The following POC1A variants were observed in gnomAD, a reference collection of about 807,000 sequenced individuals.
The protein encoded by POC1A is POC1 centriolar protein A.
Under a neutral mutation model 47.8 loss-of-function variants are expected in POC1A, and 34 were observed. That is an observed-to-expected ratio of 0.71 (90% CI 0.54 to 0.95). POC1A has a LOEUF of 0.95. Ranked by LOEUF, POC1A falls within the 40% of genes least tolerant of loss-of-function variation. POC1A has a pLI of 0.00. For missense variants in POC1A, 466 were observed against 528.3 expected (o/e 0.88, Z 1.16); for synonymous variants, 177 against 207.6 (o/e 0.85, Z 1.27).
intron 7 of POC1A, among the ~76,000 whole-genome samples, chr3:52,135,944 T>A (rs966262873): frequency 1.2e-4 from 18 of 151,866 alleles, no homozygotes; most frequent in African/African-American, 4.4e-4. Flanking sequence ...CCAGTTGGAG[T>A]GCATGGTTGG....
At chr3:52,115,819 A>G (rs1375714577) in intron 9 of POC1A, among the ~76,000 whole-genome samples, 2 of 152,192 alleles carry the variant, frequency 1.3e-5, no homozygotes, top group Non-Finnish European at 2.9e-5. Context: ...TAAAATTTCT[A>G]TATTTATAAT....
rs867171962 is a variant in POC1A, at chr3:52,084,087, G to A, written c.1126-8102C>T. 1.3e-5 allele frequency among the ~76,000 whole-genome samples: 2 copies of A among 152,244 alleles called. No homozygotes were observed. Among genetic ancestry groups the A allele is most frequent in the Admixed American group, 6.5e-5 (1 of 15,292 alleles). On this transcript the variant is annotated intron_variant, in intron 10 of 10. Coordinates refer to ENST00000296484, the MANE Select transcript of POC1A (RefSeq NM_015426.5). This position sits in a 1 kb window ranked among gnomAD's most constrained non-coding sequence, Gnocchi z 4.3. ...GGGAGGATGCTGCTCCCACGTGCCT[G>A]TGGCCAGTTTGTAGAACGCTGGTTC...
chr3:52,110,571 C>T (rs1417823032), intron 9 of POC1A, among the ~76,000 whole-genome samples: 2 of 152,252 alleles, frequency 1.3e-5, no homozygotes, highest in Non-Finnish European at 2.9e-5. Flanking sequence ...CTTGTGCACC[C>T]TCTCTGCTTT....
intron 7 of POC1A, among the ~76,000 whole-genome samples, chr3:52,126,962 AC>A (rs1704026750): frequency 6.6e-6 from 1 of 152,226 alleles, no homozygotes; most frequent in African/African-American, 2.4e-5. Flanking sequence ...TAATCACACT[AC>A]CCTTCCTAAG....
chr3:52,133,688 C>T (rs1296592956), intron 7 of POC1A, among the ~76,000 whole-genome samples: 1 of 152,186 alleles, frequency 6.6e-6, no homozygotes. Flanking sequence ...TTGGCCTCAA[C>T]TCAGACAATA....
chr3:52,105,976 C>T (rs1200032876), intron 9 of POC1A, among the ~76,000 whole-genome samples: 5 of 152,010 alleles, frequency 3.3e-5, no homozygotes, highest in Admixed American at 6.6e-5. Flanking sequence ...GGGCGGATCA[C>T]GAGGTCAGGA....
intron 1 of POC1A, 125 bp downstream of exon 1, chr3:52,154,230 C>T (rs2107224397): frequency 1.9e-6 from 2 of 1,041,786 alleles, no homozygotes; most frequent in Non-Finnish European, 2.8e-6. Context: ...TAAACTGGAC[C>T]TGAAGAGGAC....
chr3:52,134,305 CAT>C lies in POC1A; in HGVS notation c.813+3862_813+3863del, dbSNP rs376843048. Among the ~76,000 whole-genome samples, 115 of 152,308 alleles carry C rather than the reference CAT, an allele frequency of 7.6e-4. 1 individual carries two copies. The highest frequency in any genetic ancestry group is 2.4e-3 in the African/African-American group (98 of 41,556). ...AATGGTAAAGATGGTGAATTATACA[CAT>C]ATGTTACCCCAGTAAAGATAAATAA... On this transcript the variant is annotated intron_variant, in intron 7 of 10. Transcript: ENST00000296484.
chr3:52,104,094 C>T (rs1703090771), intron 9 of POC1A, among the ~76,000 whole-genome samples: 1 of 152,148 alleles, frequency 6.6e-6, no homozygotes, highest in South Asian at 2.1e-4. Flanking sequence ...AGCCCAAATG[C>T]TCACCAACAG....
intron 5 of POC1A, among the ~76,000 whole-genome samples, chr3:52,146,273 G>T (rs1177772887): frequency 6.6e-6 from 1 of 152,262 alleles, no homozygotes; most frequent in African/African-American, 2.4e-5. Context: ...GATTTTCAAA[G>T]TTGGAGCTGG....
chr3:52,098,773 C>T (rs1306041448), intron 9 of POC1A, among the ~76,000 whole-genome samples: 1 of 152,220 alleles, frequency 6.6e-6, no homozygotes, highest in African/African-American at 2.4e-5. Context: ...ACCAGTCCAG[C>T]AATCGCCATG....
At chr3:52,131,683 C>T (rs979863815) in intron 7 of POC1A, among the ~76,000 whole-genome samples, 1 of 152,176 alleles carries the variant, frequency 6.6e-6, no homozygotes, top group Non-Finnish European at 1.5e-5. Context: ...CTGGTGGGGA[C>T]ACGAGTCTGG....
chr3:52,140,849 A>T (rs758139488), intron 6 of POC1A, among the ~76,000 whole-genome samples: 13 of 151,964 alleles, frequency 8.6e-5, no homozygotes, highest in African/African-American at 1.2e-4. Context: ...CGTAAGAACC[A>T]CCCCTGCATG....
At chr3:52,130,055 G>A (rs1371739032) in intron 7 of POC1A, among the ~76,000 whole-genome samples, 4 of 152,072 alleles carry the variant, frequency 2.6e-5, no homozygotes, top group African/African-American at 7.2e-5. Flanking sequence ...ACCTTCTCCC[G>A]CCTGACTCTC....
rs145547828 is a variant in POC1A at position 52,111,601 on chromosome 3, G to A, written c.981+10778C>T. Among the ~76,000 whole-genome samples, 20 of 147,906 alleles carry A rather than the reference G, an allele frequency of 1.4e-4. No individual in the cohort carries two copies. The East Asian group carries it at 3.2e-3, about 24-fold the overall frequency. ...GAATAGGTTACAGTAAGCCGAGATC[G>A]CGCTATTGCATTCCAGCCTAGGCAA... On this transcript the variant is annotated intron_variant, in intron 9 of 10. Transcript: ENST00000296484.
In POC1A at chr3:52,090,927, T is replaced by C. The variant is rs913784258; in HGVS notation, c.1125+5642A>G. On this transcript the variant is annotated intron_variant, in intron 10 of 10. Coordinates refer to ENST00000296484, the MANE Select transcript of POC1A (RefSeq NM_015426.5). This position sits in a 1 kb window ranked among gnomAD's most constrained non-coding sequence, Gnocchi z 4.2. ...CCCATGTGAAGAGGCTGACCTCTGC[T>C]GCCCACCCCATGGGACAGACAGACA... Among the ~76,000 whole-genome samples, 3 of 152,170 alleles carry C rather than the reference T, an allele frequency of 2.0e-5. No individual in the cohort carries two copies. In the South Asian group the frequency reaches 6.2e-4, roughly 31 times the overall value.
chr3:52,136,207 C>G (rs1228596944), intron 7 of POC1A, among the ~76,000 whole-genome samples: 1 of 152,118 alleles, frequency 6.6e-6, no homozygotes, highest in Non-Finnish European at 1.5e-5. Context: ...TAAATCAATC[C>G]TAAGTTCCTG....
rs943901823 is a variant in POC1A, at chr3:52,136,437, C to A, written c.813+1732G>T. On this transcript the variant is annotated intron_variant, in intron 7 of 10. Coordinates refer to ENST00000296484, the MANE Select transcript of POC1A (RefSeq NM_015426.5). ...AGCCTCCCTGTGGAGTCCCCCTCTT[C>A]CCAGGCCAGGAAGCCCAGGAAGTAG... 2.0e-5 allele frequency among the ~76,000 whole-genome samples: 3 copies of A among 152,332 alleles called. No individual in the cohort carries two copies. The South Asian group carries it at 6.2e-4, about 32-fold the overall frequency.
chr3:52,112,591 G>A (rs1703423646), intron 9 of POC1A, among the ~76,000 whole-genome samples: 2 of 152,076 alleles, frequency 1.3e-5, no homozygotes, highest in Admixed American at 1.3e-4. Flanking sequence ...GCAGTGAGCC[G>A]AGATCGCACC....
Sources: gnomAD v4.1 joint callset for allele counts (sites outside exome capture counted in the v4.1 genomes callset) on GRCh38, gnomAD v4.1.1 for gene constraint, Gnocchi (gnomAD v3.1) non-coding constraint, MANE v1.5 for transcripts, NCBI Gene and HGNC (gene_info 2026-07-23, HGNC 2026-07-21) for gene names.